The following KRT36 variants were observed in gnomAD, a reference collection of about 807,000 sequenced individuals.
KRT36 encodes the protein keratin 36.
KRT36 carries 41 observed loss-of-function variants against 43.0 expected under a neutral mutation model. The ratio of observed to expected loss-of-function variants is 0.95; its 90% CI spans 0.74 to 1.24. The LOEUF is 1.24. Among genes scored for constraint, KRT36 ranks in the 50% most tolerant of loss-of-function variants. The pLI is 0.00. For synonymous variants in KRT36, 277 were observed against 252.9 expected, an observed-to-expected ratio of 1.10 and a Z score of -0.90; for missense variants, 627 against 595.3, an observed-to-expected ratio of 1.05 and a Z score of -0.55.
chr17:41,487,889 C>G (rs985533831), intron 3 of KRT36, 152 bp from the exon 4 acceptor site: 3 of 747,490 alleles, frequency 4.0e-6, no homozygotes, highest in Admixed American at 5.9e-5. Flanking sequence ...TCTCCTTCTC[C>G]GTATATACCT....
chr17:41,489,274 C>A, intron 1 of KRT36, 132 bp downstream of exon 1: 1 of 976,510 alleles, frequency 1.0e-6, no homozygotes. Context: ...AACCAAAGCC[C>A]TAGAGAGAAA....
rs754664951 is a variant in KRT36 at position 41,487,594 on chromosome 17, C to T, written c.843G>A (p.Glu281=). ...GCCCCACCTGGGTGTTGAACCAGGC[C>T]TCCACATCTCTGCGGTTATTCTCCA... ...ALVENNRRDV[E]AWFNTQTEEL... Residue 281 remains glutamate (E), a synonymous_variant, in exon 4 of 7, where the codon GAG becomes GAA. Coordinates refer to ENST00000328119, the MANE Select transcript of KRT36 (RefSeq NM_003771.5). 2 of 1,614,018 alleles carry T rather than the reference C, an allele frequency of 1.2e-6. No homozygotes were observed. Among genetic ancestry groups the T allele is most frequent in the African/African-American group, 2.7e-5 (2 of 74,938 alleles).
chr17:41,486,518 G>A lies in KRT36; in HGVS notation c.1262C>T (p.Ser421Phe). 1 of 1,607,778 alleles carries A rather than the reference G, an allele frequency of 6.2e-7. No homozygotes were observed. The highest frequency in any genetic ancestry group is 2.2e-5 in the East Asian group (1 of 44,838). Reference sequence around the variant, plus strand: ...GGGGACACAGGGCACCGGGGGGACAGAAGGAACTCTAATAACAGGCTTGCA... The same window carrying A: ...GGGGACACAGGGCACCGGGGGGACAAAAGGAACTCTAATAACAGGCTTGCA... ...TACKPVIRVP[S>F]VPPVPCVPSV... The change falls in exon 7 of 7, where the codon TCT becomes TTT. Residue 421 changes from serine to phenylalanine, a missense_variant. By Grantham distance (155) the Ser-to-Phe change is radical. Transcript: ENST00000328119.
In KRT36 at chr17:41,489,828, C is replaced by T. The variant is rs954968449; in HGVS notation, c.37G>A (p.Gly13Arg). The T allele has an allele frequency of 5.0e-6, 8 of 1,613,380 alleles. No individual in the cohort carries two copies. The African/African-American group carries it at 6.7e-5, about 13-fold the overall frequency. ...TQTCTPTFST[G>R]SIKGLCGTAG... ...GTGCCACAGAGGCCCTTGATAGACCCAGTGGAGAAGGTAGGGGTGCAGGTC... is the reference window on the plus strand; with the variant it reads ...GTGCCACAGAGGCCCTTGATAGACCTAGTGGAGAAGGTAGGGGTGCAGGTC... The change falls in exon 1 of 7, where the codon GGG becomes AGG. Residue 13 changes from glycine (G) to arginine (R), a missense_variant. Coordinates refer to ENST00000328119, the MANE Select transcript of KRT36 (RefSeq NM_003771.5).
intron 1 of KRT36, 120 bp from the exon 2 acceptor site, chr17:41,488,844 C>T (rs1904482212): frequency 9.7e-6 from 8 of 822,002 alleles, no homozygotes; most frequent in South Asian, 4.4e-5. Context: ...TCACCATTTC[C>T]AGCCCTGAGC....
chr17:41,486,534 C>A lies in KRT36; in HGVS notation c.1246G>T (p.Val416Phe). 1 of 1,601,490 alleles carries A rather than the reference C, an allele frequency of 6.2e-7. No individual in the cohort carries two copies. Among genetic ancestry groups the A allele is most frequent in the Non-Finnish European group, 8.5e-7 (1 of 1,174,282 alleles). Reference protein sequence around the residue: ...PQPCATACKPVIRVPSVPPVP... With the variant: ...PQPCATACKPFIRVPSVPPVP... Reference sequence around the variant, plus strand: ...GGGGGGACAGAAGGAACTCTAATAACAGGCTTGCATGCCGTGGCACAAGGT... The same window carrying A: ...GGGGGGACAGAAGGAACTCTAATAAAAGGCTTGCATGCCGTGGCACAAGGT... The change falls in exon 7 of 7, where the codon GTT becomes TTT. Residue 416 changes from valine (V) to phenylalanine (F), a missense_variant. Physicochemically the swap from Val to Phe is conservative, Grantham distance 50. Coordinates refer to ENST00000328119, the MANE Select transcript of KRT36 (RefSeq NM_003771.5).
At position 41,487,607 on chromosome 17, in the gene KRT36, C is replaced by T. The variant is rs771911925; in HGVS notation, c.830G>A (p.Arg277His). 18 of 1,614,040 alleles carry T rather than the reference C, an allele frequency of 1.1e-5. No individual in the cohort carries two copies. The highest frequency in any genetic ancestry group is 1.1e-5 in the South Asian group (1 of 91,082). ...GTTGAACCAGGCCTCCACATCTCTG[C>T]GGTTATTCTCCACCAGGGCCTCGTA... ...CQYEALVENN[R>H]RDVEAWFNTQ... The change falls in exon 4 of 7, where the codon CGC becomes CAC. Residue 277 changes from arginine to histidine, a missense_variant. Transcript: ENST00000328119.
At position 41,487,490 on chromosome 17, in the gene KRT36, C is replaced by T. The variant is rs1173261019; in HGVS notation, c.862-14G>A. 6.2e-7 allele frequency: 1 copy of T among 1,613,978 alleles called. No individual in the cohort carries two copies. Among genetic ancestry groups the T allele is most frequent in the East Asian group, 2.2e-5 (1 of 44,890 alleles). On this transcript the variant is annotated splice_polypyrimidine_tract_variant and intron_variant, in intron 4 of 6. Coordinates refer to ENST00000328119, the MANE Select transcript of KRT36 (RefSeq NM_003771.5). ...CAGCTCCTCAGTCTGAAACACATGC[C>T]AGGGCCCAGAGCATGGTCAAACCAA...
chr17:41,486,840 G>A (rs1196872576), intron 6 of KRT36, 110 bp downstream of exon 6: 1 of 982,494 alleles, frequency 1.0e-6, no homozygotes, highest in Non-Finnish European at 1.5e-6. Context: ...AATCTCAAGG[G>A]GCTTTGGTTT....
chr17:41,487,091 C>A lies in KRT36; in HGVS notation c.1067G>T (p.Ser356Ile), dbSNP rs1320239397. Residue 356 changes from serine (S) to isoleucine (I), a missense_variant, in exon 6 of 7, where the codon AGC becomes ATC. Transcript: ENST00000328119. ...CTCAGACAGCTGGGCCTCCACGTTGCTGATCAGGCACTGCATCTGGGCCAG... is the reference window on the plus strand; with the variant it reads ...CTCAGACAGCTGGGCCTCCACGTTGATGATCAGGCACTGCATCTGGGCCAG... ...SQLAQMQCLI[S>I]NVEAQLSEIR... The A allele has an allele frequency of 6.2e-7, 1 of 1,614,252 alleles. No homozygotes were observed. Among genetic ancestry groups the A allele is most frequent in the South Asian group, 1.1e-5 (1 of 91,088 alleles).
At chr17:41,488,216 T>C in intron 3 of KRT36, 27 bp downstream of exon 3, 3 of 1,605,600 alleles carry the variant, frequency 1.9e-6, no homozygotes, top group Non-Finnish European at 2.6e-6. Flanking sequence ...TGGGAAACAC[T>C]GGGAAGTCAC....
chr17:41,487,161 A>T lies in KRT36; in HGVS notation c.997T>A (p.Leu333Met), dbSNP rs1904411568. ...LQAQHSMRNSLESTLAETEAR... is the reference protein window; with the variant it reads ...LQAQHSMRNSMESTLAETEAR... ...TCGGTTTCGGCCAGGGTGGATTCCAAGGAATTCCGCTGCAATGGGAAAGAG... is the reference window on the plus strand; with the variant it reads ...TCGGTTTCGGCCAGGGTGGATTCCATGGAATTCCGCTGCAATGGGAAAGAG... The change falls in exon 6 of 7, where the codon TTG (leucine) becomes ATG (methionine). Residue 333 changes from leucine to methionine, a missense_variant. Leu to Met is a conservative substitution (Grantham distance 15). Coordinates refer to ENST00000328119, the MANE Select transcript of KRT36 (RefSeq NM_003771.5). The T allele has an allele frequency of 1.2e-6, 2 of 1,612,624 alleles. No homozygotes were observed. The highest frequency in any genetic ancestry group is 2.2e-5 in the South Asian group (2 of 91,016).
chr17:41,488,522 G>A (rs1904470365), intron 2 of KRT36, 120 bp downstream of exon 2: 2 of 1,497,592 alleles, frequency 1.3e-6, no homozygotes, highest in African/African-American at 1.4e-5. Flanking sequence ...TTTCCCCTGA[G>A]GTCCAGGGCT....
Position 41,487,460 on chromosome 17 carries a change from T to G in KRT36, c.878A>C (p.Gln293Pro). 1 of 1,614,204 alleles carries G rather than the reference T, an allele frequency of 6.2e-7. No individual in the cohort carries two copies. The highest frequency in any genetic ancestry group is 8.5e-7 in the Non-Finnish European group (1 of 1,180,016). The change falls in exon 5 of 7, where the codon CAG (glutamine) becomes CCG (proline). Residue 293 changes from glutamine to proline, a missense_variant. Physicochemically the swap from Gln to Pro is moderately conservative, Grantham distance 76. Coordinates refer to ENST00000328119, the MANE Select transcript of KRT36 (RefSeq NM_003771.5). The part of the protein sequence containing the change: ...WFNTQTEELN[Q>P]QVVSSSEQLQ... Reference sequence around the variant, plus strand: ...CTGCTCCGAGCTGGACACCACCTGCTGGTTCAGCTCCTCAGTCTGAAACAC... The same window carrying G: ...CTGCTCCGAGCTGGACACCACCTGCGGGTTCAGCTCCTCAGTCTGAAACAC...
At position 41,489,689 on chromosome 17, in the gene KRT36, A is replaced by G; in HGVS notation, c.176T>C (p.Leu59Pro). ...ISSARSGLSG[L>P]GSCLPGSYLS... ...GTAGGAGCCAGGCAAGCAGCTCCCA[A>G]GGCCAGAGAGGCCCGACCTAGCAGA... The change falls in exon 1 of 7, where the codon CTT becomes CCT. Residue 59 changes from leucine to proline, a missense_variant. By Grantham distance (98) the Leu-to-Pro change is moderately conservative. Transcript: ENST00000328119. The G allele has an allele frequency of 6.2e-7, 1 of 1,614,176 alleles. No homozygotes were observed. Among genetic ancestry groups the G allele is most frequent in the South Asian group, 1.1e-5 (1 of 91,088 alleles).
At chr17:41,487,300 T>A (rs1367318245) in intron 5 of KRT36, 51 bp downstream of exon 5, 1 of 1,589,210 alleles carries the variant, frequency 6.3e-7, no homozygotes, top group Non-Finnish European at 8.5e-7. Flanking sequence ...GGCTGGTGCG[T>A]CGGGGACCTG....
In KRT36 at chr17:41,487,144, G is replaced by C. The variant is rs141243083; in HGVS notation, c.1014C>G (p.Ala338=). The change falls in exon 6 of 7, where the codon GCC becomes GCG. Residue 338 remains alanine (A), a synonymous_variant. Coordinates refer to ENST00000328119, the MANE Select transcript of KRT36 (RefSeq NM_003771.5). Reference sequence around the variant, plus strand: ...GGGAGCTGTAGCGGGCCTCGGTTTCGGCCAGGGTGGATTCCAAGGAATTCC... The same window carrying C: ...GGGAGCTGTAGCGGGCCTCGGTTTCCGCCAGGGTGGATTCCAAGGAATTCC... ...SMRNSLESTL[A]ETEARYSSQL... 4.5e-5 allele frequency: 73 copies of C among 1,613,702 alleles called. No homozygotes were observed. Among genetic ancestry groups the C allele is most frequent in the Non-Finnish European group, 6.2e-5 (73 of 1,179,750 alleles).
In KRT36 at chr17:41,487,604, C is replaced by G. The variant is rs1904440624; in HGVS notation, c.833G>C (p.Arg278Thr). 2 of 1,614,210 alleles carry G rather than the reference C, an allele frequency of 1.2e-6. No individual in the cohort carries two copies. Among genetic ancestry groups the G allele is most frequent in the Non-Finnish European group, 1.7e-6 (2 of 1,180,010 alleles). The change falls in exon 4 of 7, where the codon AGA becomes ACA. Residue 278 changes from arginine (R) to threonine (T), a missense_variant. By Grantham distance (71) the Arg-to-Thr change is moderately conservative (BLOSUM62 -1). Coordinates refer to ENST00000328119, the MANE Select transcript of KRT36 (RefSeq NM_003771.5). ...QYEALVENNR[R>T]DVEAWFNTQT... ...GGTGTTGAACCAGGCCTCCACATCT[C>G]TGCGGTTATTCTCCACCAGGGCCTC...
At chr17:41,488,209 G>A (rs921734560) in intron 3 of KRT36, 34 bp downstream of exon 3, 6 of 1,600,440 alleles carry the variant, frequency 3.7e-6, no homozygotes, top group Non-Finnish European at 5.1e-6. Flanking sequence ...AGCTGGATGG[G>A]AAACACTGGG....
Sources: allele counts gnomAD v4.1 joint callset, GRCh38; gene constraint gnomAD v4.1.1; transcripts MANE v1.5; gene names NCBI Gene and HGNC (gene_info 2026-07-23, HGNC 2026-07-21).